The following KCNQ5 variants were observed in gnomAD, a reference collection of about 807,000 sequenced individuals.
The protein encoded by KCNQ5 is potassium voltage-gated channel subfamily KQT member 5.
Under a neutral mutation model 98.2 loss-of-function variants are expected in KCNQ5, and 30 were observed. The ratio of observed to expected loss-of-function variants is 0.31; its 90% CI spans 0.23 to 0.41. KCNQ5 has a LOEUF of 0.41. KCNQ5 is among the 10% of genes least tolerant of loss of function. The pLI is 1.00. For missense variants in KCNQ5, 835 were observed against 1,182.5 expected (o/e 0.71, Z 4.31); for synonymous variants, 458 against 449.4 (o/e 1.02, Z -0.24).
chr6:72,676,924 T>C (rs2154473600), intron 1 of KCNQ5, among the ~76,000 whole-genome samples: 1 of 129,034 alleles, frequency 7.7e-6, no homozygotes, highest in South Asian at 2.8e-4. Context: ...GTATAATTGA[T>C]ATTTTTAGTT....
At chr6:73,097,936 A>T (rs2150411810) in intron 5 of KCNQ5, among the ~76,000 whole-genome samples, 1 of 152,324 alleles carries the variant, frequency 6.6e-6, no homozygotes, top group Non-Finnish European at 1.5e-5. Flanking sequence ...GATTACAAAG[A>T]CTACAATAAA....
chr6:72,696,333 A>G (rs892419177), intron 1 of KCNQ5, among the ~76,000 whole-genome samples: 2 of 152,218 alleles, frequency 1.3e-5, no homozygotes, highest in Non-Finnish European at 2.9e-5. Flanking sequence ...AACCACATAT[A>G]AATCTACAAA....
chr6:72,934,787 A>G (rs917863633), intron 1 of KCNQ5, among the ~76,000 whole-genome samples: 2 of 152,182 alleles, frequency 1.3e-5, no homozygotes, highest in African/African-American at 2.4e-5. Flanking sequence ...CCACTGATCA[A>G]CAATGTCAGT....
chr6:73,092,229 A>G (rs4613780), intron 5 of KCNQ5, among the ~76,000 whole-genome samples: 133,282 of 152,164 alleles, frequency 0.88, 59,015 homozygotes, highest in South Asian at 0.96. Context: ...TGTGAATTTT[A>G]TATCCAGAAA....
At chr6:73,051,065 G>A (rs1015362375) in intron 3 of KCNQ5, among the ~76,000 whole-genome samples, 1 of 152,192 alleles carries the variant, frequency 6.6e-6, no homozygotes, top group African/African-American at 2.4e-5. Flanking sequence ...GTGTATGAAC[G>A]TAAGTTTTTA....
At chr6:72,939,651 T>A (rs1022947360) in intron 1 of KCNQ5, among the ~76,000 whole-genome samples, 1 of 152,184 alleles carries the variant, frequency 6.6e-6, no homozygotes, top group Non-Finnish European at 1.5e-5. Flanking sequence ...CCGCACTGAT[T>A]AATTTATGCA....
intron 1 of KCNQ5, among the ~76,000 whole-genome samples, chr6:72,976,107 A>C (rs1768149613): frequency 6.6e-6 from 1 of 152,232 alleles, no homozygotes; most frequent in African/African-American, 2.4e-5. Context: ...GGGAAAAATA[A>C]GTTTAAGCTT....
intron 1 of KCNQ5, among the ~76,000 whole-genome samples, chr6:72,807,890 G>A (rs751628865): frequency 2.0e-5 from 3 of 152,306 alleles, no homozygotes; most frequent in South Asian, 2.1e-4. Context: ...AGCTGCAAGC[G>A]CAAATCCCTA....
chr6:72,653,329 A>C lies in KCNQ5; in HGVS notation c.398+30742A>C, dbSNP rs143750245. ...GGCTTTAAAGATCCTCCTTTGTTTT[A>C]ATAGATTTTCCATTAGTGTCTGCTT... On this transcript the variant is annotated intron_variant, in intron 1 of 13. Coordinates refer to ENST00000370398, the MANE Select transcript of KCNQ5 (RefSeq NM_019842.4). 5.4e-4 allele frequency among the ~76,000 whole-genome samples: 82 copies of C among 151,962 alleles called. 2 individuals carry two copies. The East Asian group carries it at 0.013, about 24-fold the overall frequency.
intron 5 of KCNQ5, among the ~76,000 whole-genome samples, chr6:73,084,561 C>G (rs1201128923): frequency 6.6e-6 from 1 of 152,184 alleles, no homozygotes; most frequent in Non-Finnish European, 1.5e-5. Flanking sequence ...AAGTCATCTT[C>G]CCATGCCATG....
intron 1 of KCNQ5, among the ~76,000 whole-genome samples, chr6:72,763,462 A>G (rs1175582549): frequency 2.0e-5 from 3 of 152,088 alleles, no homozygotes; most frequent in Non-Finnish European, 4.4e-5. Flanking sequence ...GTGTTTCTCC[A>G]TAAATCCTTC....
intron 9 of KCNQ5, among the ~76,000 whole-genome samples, chr6:73,132,958 T>C (rs1776293856): frequency 6.6e-6 from 1 of 152,224 alleles, no homozygotes; most frequent in Non-Finnish European, 1.5e-5. Context: ...GAATATAAAA[T>C]GCATGCCAAA....
chr6:72,920,405 C>A (rs1202165725), intron 1 of KCNQ5, among the ~76,000 whole-genome samples: 1 of 152,134 alleles, frequency 6.6e-6, no homozygotes. Context: ...ATGGTTTGAT[C>A]CCTTTAAAAA....
At chr6:72,823,303 T>TAA (rs1303546327) in intron 1 of KCNQ5, among the ~76,000 whole-genome samples, 2 of 152,196 alleles carry the variant, frequency 1.3e-5, no homozygotes, top group Non-Finnish European at 2.9e-5. Context: ...CACATAGTCT[T>TAA]AATACATCTT....
chr6:72,773,021 T>A (rs940092541), intron 1 of KCNQ5, among the ~76,000 whole-genome samples: 10 of 152,168 alleles, frequency 6.6e-5, no homozygotes, highest in Non-Finnish European at 1.5e-4. Context: ...TTTTAGCTTA[T>A]CAGTGTTGCC....
intron 10 of KCNQ5, among the ~76,000 whole-genome samples, chr6:73,139,828 C>T (rs1398843592): frequency 1.3e-5 from 2 of 152,200 alleles, no homozygotes; most frequent in Non-Finnish European, 2.9e-5. Context: ...ACCTCCTCAG[C>T]AGCTTCCTGA....
At chr6:72,798,864 C>A (rs748972929) in intron 1 of KCNQ5, among the ~76,000 whole-genome samples, 8 of 151,918 alleles carry the variant, frequency 5.3e-5, no homozygotes, top group Non-Finnish European at 1.2e-4. Flanking sequence ...TTTTCAATCC[C>A]ATTTTCCCTA....
chr6:72,918,186 G>T (rs1347749541), intron 1 of KCNQ5, among the ~76,000 whole-genome samples: 2 of 152,046 alleles, frequency 1.3e-5, no homozygotes, highest in African/African-American at 4.8e-5. Flanking sequence ...CTTGGGAACT[G>T]GTGCATGCAC....
intron 1 of KCNQ5, among the ~76,000 whole-genome samples, chr6:72,643,078 G>A (rs1039264789): frequency 2.0e-5 from 3 of 152,132 alleles, no homozygotes; most frequent in African/African-American, 7.2e-5. Flanking sequence ...TGGATGCAAA[G>A]AAGGGAACAA....
Sources: allele counts gnomAD v4.1 joint callset (sites outside exome capture counted in the v4.1 genomes callset), GRCh38; gene constraint gnomAD v4.1.1; transcripts MANE v1.5; gene names NCBI Gene and HGNC (gene_info 2026-07-23, HGNC 2026-07-21).